The following CSMD2 variants were observed in gnomAD, a reference collection of about 807,000 sequenced individuals.
The protein encoded by CSMD2 is CUB and sushi domain-containing protein 2.
A neutral mutation model predicts 398.5 loss-of-function variants in CSMD2; 130 were observed. The ratio of observed to expected loss-of-function variants is 0.33; its 90% CI spans 0.28 to 0.38. CSMD2 has a LOEUF of 0.38. Ranked by LOEUF, CSMD2 falls within the 10% of genes least tolerant of loss-of-function variation. The pLI is 1.00. For missense variants in CSMD2, 3,829 were observed against 4,764.9 expected, an observed-to-expected ratio of 0.80 and a Z score of 5.78; for synonymous variants, 1,828 against 1,908.5, an observed-to-expected ratio of 0.96 and a Z score of 1.10.
At chr1:33,936,716 A>G (rs1644492543) in intron 3 of CSMD2, among the ~76,000 whole-genome samples, 1 of 152,236 alleles carries the variant, frequency 6.6e-6, no homozygotes, top group Admixed American at 6.5e-5. Context: ...CTCTGTGCCC[A>G]TAAGTCAGTC....
intron 5 of CSMD2, among the ~76,000 whole-genome samples, chr1:33,850,101 T>C (rs1008486478): frequency 6.6e-6 from 1 of 152,110 alleles, no homozygotes; most frequent in Non-Finnish European, 1.5e-5. Context: ...CCTGCTACAC[T>C]GGCACTTCTC....
At chr1:33,976,028 A>G (rs1374440043) in intron 3 of CSMD2, among the ~76,000 whole-genome samples, 1 of 152,196 alleles carries the variant, frequency 6.6e-6, no homozygotes, top group Non-Finnish European at 1.5e-5. Flanking sequence ...ATATCCTCAC[A>G]TATTTCATTT....
intron 3 of CSMD2, among the ~76,000 whole-genome samples, chr1:34,019,548 C>T (rs72882629): frequency 0.016 from 2,496 of 152,246 alleles, 69 homozygotes; most frequent in African/African-American, 0.053. Flanking sequence ...GCTTGGTCTC[C>T]CCTTGTCCTG....
chr1:34,090,433 G>T (rs555847803), intron 1 of CSMD2, among the ~76,000 whole-genome samples: 2 of 152,214 alleles, frequency 1.3e-5, no homozygotes, highest in South Asian at 4.2e-4. Context: ...CTTGTGCATT[G>T]GTTACTCACA....
chr1:34,117,368 T>G (rs546577984), intron 1 of CSMD2, among the ~76,000 whole-genome samples: 19 of 152,136 alleles, frequency 1.2e-4, no homozygotes, highest in African/African-American at 4.6e-4. Context: ...AAGAAATTGA[T>G]ACATTTCTAG....
intron 7 of CSMD2, among the ~76,000 whole-genome samples, chr1:33,824,382 C>T (rs1220264013): frequency 1.3e-5 from 2 of 152,192 alleles, no homozygotes; most frequent in East Asian, 3.9e-4. Flanking sequence ...TTCTGGTGCC[C>T]TCTGCCATCC....
chr1:33,734,499 T>A (rs975781235), intron 15 of CSMD2, among the ~76,000 whole-genome samples: 1 of 151,776 alleles, frequency 6.6e-6, no homozygotes, highest in African/African-American at 2.4e-5. Flanking sequence ...AAAATGAAAA[T>A]ACAGGGGCCA....
intron 13 of CSMD2, among the ~76,000 whole-genome samples, chr1:33,769,452 A>G (rs1409213575): frequency 6.6e-6 from 1 of 152,228 alleles, no homozygotes; most frequent in Non-Finnish European, 1.5e-5. Context: ...AGGACCAGAG[A>G]GTAAGAGCAA....
intron 3 of CSMD2, among the ~76,000 whole-genome samples, chr1:33,984,548 T>G (rs56368288): frequency 0.015 from 2,221 of 152,188 alleles, 53 homozygotes; most frequent in African/African-American, 0.05. Flanking sequence ...GCCTGCGCTT[T>G]GGGAGGTGGA....
At chr1:33,530,037 A>G (rs879659639) in intron 64 of CSMD2, among the ~76,000 whole-genome samples, 14 of 152,234 alleles carry the variant, frequency 9.2e-5, no homozygotes, top group Admixed American at 9.2e-4. Context: ...TTAAGGAAAT[A>G]TAAATCATTT....
chr1:33,563,510 A>G (rs1658766019), intron 53 of CSMD2, among the ~76,000 whole-genome samples: 1 of 152,134 alleles, frequency 6.6e-6, no homozygotes, highest in Non-Finnish European at 1.5e-5. Flanking sequence ...AGAAAGTGAT[A>G]TTATATGATT....
At chr1:33,784,330 T>A (rs1450787726) in intron 12 of CSMD2, among the ~76,000 whole-genome samples, 1 of 150,994 alleles carries the variant, frequency 6.6e-6, no homozygotes, top group East Asian at 2.0e-4. Context: ...GGACAGGGAG[T>A]CACATCGGGG....
rs1160755901 is a variant in CSMD2 at position 33,819,754 on chromosome 1, T to G, written c.1283A>C (p.Asp428Ala). The G allele has an allele frequency of 6.2e-7, 1 of 1,614,042 alleles. No homozygotes were observed. Among genetic ancestry groups the G allele is most frequent in the East Asian group, 2.2e-5 (1 of 44,858 alleles). ...GTGGTCGCTCCAGGCCGCAAACATG[T>G]CGCTCACTTTCATACAGGTGATCCG... ...SKRITCMKVS[D>A]MFAAWSDHRP... The change falls in exon 9 of 71, where the codon GAC (aspartate) becomes GCC (alanine). Residue 428 changes from aspartate to alanine, a missense_variant. Around this residue, in one of 5 missense-constraint regions of CSMD2, gnomAD observed 2,001 missense variants for 2,567.1 expected, o/e 0.78. Coordinates refer to ENST00000373381, the MANE Select transcript of CSMD2 (RefSeq NM_001281956.2).
intron 5 of CSMD2, among the ~76,000 whole-genome samples, chr1:33,909,222 T>C (rs1438470771): frequency 6.6e-6 from 1 of 152,142 alleles, no homozygotes; most frequent in Non-Finnish European, 1.5e-5. Flanking sequence ...GCTACCTCCA[T>C]GTACGAAGTT....
intron 13 of CSMD2, among the ~76,000 whole-genome samples, chr1:33,768,634 G>A (rs1336362977): frequency 6.6e-6 from 1 of 151,592 alleles, no homozygotes; most frequent in African/African-American, 2.4e-5. Context: ...AGGACAGGAA[G>A]ATACTAGCAG....
At chr1:33,648,119 T>C (rs1021532109) in intron 28 of CSMD2, among the ~76,000 whole-genome samples, 1 of 151,990 alleles carries the variant, frequency 6.6e-6, no homozygotes, top group Non-Finnish European at 1.5e-5. Flanking sequence ...TCCCAGCACT[T>C]TGGGAGGCTG....
At chr1:33,788,400 C>T (rs189842055) in intron 12 of CSMD2, among the ~76,000 whole-genome samples, 200 bp downstream of exon 12, 4 of 149,116 alleles carry the variant, frequency 2.7e-5, no homozygotes, top group Non-Finnish European at 4.4e-5. Flanking sequence ...CCCAGCTACT[C>T]GGGAGGCTGA....
chr1:33,912,003 G>A (rs1643473050), intron 5 of CSMD2, among the ~76,000 whole-genome samples: 1 of 152,128 alleles, frequency 6.6e-6, no homozygotes, highest in African/African-American at 2.4e-5. Context: ...TATTAAAATG[G>A]TATGCATCCT....
intron 5 of CSMD2, among the ~76,000 whole-genome samples, chr1:33,883,171 T>C (rs1641352307): frequency 6.6e-6 from 1 of 152,198 alleles, no homozygotes; most frequent in African/African-American, 2.4e-5. Context: ...TAAACTTTCT[T>C]CCATAGAATG....
Sources: allele counts gnomAD v4.1 joint callset (sites outside exome capture counted in the v4.1 genomes callset), GRCh38; gene constraint gnomAD v4.1.1; regional missense constraint gnomAD v4.1.1; transcripts MANE v1.5; gene names NCBI Gene and HGNC (gene_info 2026-07-23, HGNC 2026-07-21).